IRAK1BP1: variants seen among roughly 807,000 people sequenced by gnomAD.
IRAK1BP1 encodes the protein interleukin 1 receptor associated kinase 1 binding protein 1, also known as interleukin-1 receptor-associated kinase 1-binding protein 1.
IRAK1BP1 carries 24 observed loss-of-function variants against 28.0 expected under a neutral mutation model. That is an observed-to-expected ratio of 0.86 (90% confidence interval 0.62 to 1.20). IRAK1BP1 has a LOEUF of 1.20. Among genes scored for constraint, IRAK1BP1 ranks in the 50% most tolerant of loss-of-function variants. The pLI is 0.00. For missense variants in IRAK1BP1, 336 were observed against 316.7 expected, an observed-to-expected ratio of 1.06 and a Z score of -0.46; for synonymous variants, 131 against 116.3, an observed-to-expected ratio of 1.13 and a Z score of -0.81.
chr6:78,917,632 TAAAAAAAAA>T (rs35313944), intron 4 of IRAK1BP1, among the ~76,000 whole-genome samples: 5 of 63,690 alleles, frequency 7.9e-5, no homozygotes, highest in Admixed American at 7.7e-4. Flanking sequence ...AAGTCAACAC[TAAAAAAAAA>T]AAAAAAAAAA....
rs1329827527 is a variant in IRAK1BP1, at chr6:78,940,868, G to A, written c.*68-4540G>A. ...ACCTTGATTTCTAGTTCTCATGTGG[G>A]GTTCAGAGCCTTTGAGTTCTTCAAA... is the stretch of plus-strand genomic sequence containing the variant. On this transcript the variant is annotated intron_variant and NMD_transcript_variant, in intron 4 of 4. Coordinates refer to the IRAK1BP1 transcript ENST00000606868. 11 of 1,613,616 alleles carry A rather than the reference G, an allele frequency of 6.8e-6. No homozygotes were observed. In the African/African-American group the frequency reaches 1.3e-4, roughly 20 times the overall value.
chr6:78,882,708 G>C (rs1771273775), intron 1 of IRAK1BP1, among the ~76,000 whole-genome samples: 1 of 152,168 alleles, frequency 6.6e-6, no homozygotes, highest in South Asian at 2.1e-4. Context: ...AAGGAGACTT[G>C]ATGAATTAAT....
the IRAK1BP1 span, chr6:78,961,605 G>C: frequency 1.4e-6 from 2 of 1,388,956 alleles, no homozygotes; most frequent in Non-Finnish European, 2.0e-6. Context: ...TATACAAAAA[G>C]TTGAGAAACA....
the IRAK1BP1 span, among the ~76,000 whole-genome samples, chr6:78,975,014 C>T: frequency 1.3e-5 from 2 of 151,032 alleles, no homozygotes; most frequent in Non-Finnish European, 3.0e-5. Context: ...TCCCCCCTAA[C>T]TCATTTTATG....
At chr6:78,946,242 C>T (rs765718832) in exon 5 of IRAK1BP1, 1 of 1,612,984 alleles carries the variant, frequency 6.2e-7, no homozygotes, top group Admixed American at 1.7e-5. Flanking sequence ...GTTTTAAGAT[C>T]CTTTTTTTCC....
chr6:78,948,588 A>G (rs116754092), downstream of IRAK1BP1, among the ~76,000 whole-genome samples: 862 of 152,198 alleles, frequency 5.7e-3, 13 homozygotes, highest in African/African-American at 0.02. Context: ...TTGGCCTCCC[A>G]GACTCAAGCA....
intron 1 of IRAK1BP1, among the ~76,000 whole-genome samples, chr6:78,880,687 TAACA>T (rs1358505903): frequency 2.6e-5 from 4 of 152,188 alleles, no homozygotes; most frequent in African/African-American, 7.2e-5. Flanking sequence ...AATTCAGCAG[TAACA>T]AACAGCTCAA....
At chr6:78,883,521 A>G (rs1485406933) in intron 1 of IRAK1BP1, among the ~76,000 whole-genome samples, 1 of 152,154 alleles carries the variant, frequency 6.6e-6, no homozygotes, top group African/African-American at 2.4e-5. Context: ...ATTACCTTTC[A>G]TAAAATTATC....
At chr6:78,958,828 C>T in the IRAK1BP1 span, among the ~76,000 whole-genome samples, 2 of 152,126 alleles carry the variant, frequency 1.3e-5, no homozygotes, top group Non-Finnish European at 2.9e-5. Flanking sequence ...GAATGGAACA[C>T]ACCATATTAA....
chr6:78,957,588 A>G, the IRAK1BP1 span: 1 of 151,850 alleles, frequency 6.6e-6, no homozygotes, highest in Non-Finnish European at 1.5e-5. Flanking sequence ...TTAAAAAAAA[A>G]AAAAAAACTG....
chr6:78,944,065 A>T (rs892307681), intron 4 of IRAK1BP1, among the ~76,000 whole-genome samples: 3 of 151,490 alleles, frequency 2.0e-5, no homozygotes, highest in African/African-American at 7.3e-5. Flanking sequence ...CCTAAAGAAG[A>T]CGATATTTTA....
chr6:78,921,073 TGGGTGCAGGACAGA>T (rs1318321157), intron 4 of IRAK1BP1, among the ~76,000 whole-genome samples: 1 of 152,066 alleles, frequency 6.6e-6, no homozygotes, highest in African/African-American at 2.4e-5. Flanking sequence ...TGTCATCCAG[TGGGTGCAGGACAGA>T]GGGTGCAGTG....
At chr6:78,969,621 A>T in the IRAK1BP1 span, among the ~76,000 whole-genome samples, 1 of 152,192 alleles carries the variant, frequency 6.6e-6, no homozygotes, top group East Asian at 1.9e-4. Flanking sequence ...AATGTAACAG[A>T]AAAAATGTTT....
downstream of IRAK1BP1, among the ~76,000 whole-genome samples, chr6:78,908,011 C>T (rs186998217): frequency 2.9e-3 from 443 of 150,326 alleles, 1 homozygote; most frequent in Middle Eastern, 7.1e-3. Flanking sequence ...AGGCACTGCA[C>T]CCGGCCTTTT....
At chr6:78,890,209 G>T (rs1771592502) in intron 2 of IRAK1BP1, among the ~76,000 whole-genome samples, 1 of 150,286 alleles carries the variant, frequency 6.7e-6, no homozygotes, top group South Asian at 2.1e-4. Context: ...TCATAAGTGG[G>T]AGTTGAACAA....
chr6:78,874,515 A>G (rs2127666345), intron 1 of IRAK1BP1, among the ~76,000 whole-genome samples: 1 of 152,312 alleles, frequency 6.6e-6, no homozygotes, highest in South Asian at 2.1e-4. Context: ...TGCCAGTACT[A>G]TCCTGTTTAA....
intron 1 of IRAK1BP1, among the ~76,000 whole-genome samples, chr6:78,881,589 A>G (rs1458107729): frequency 6.6e-6 from 1 of 152,182 alleles, no homozygotes; most frequent in Non-Finnish European, 1.5e-5. Flanking sequence ...CTCTTGACAA[A>G]TGAACCCAGT....
Position 78,903,014 on chromosome 6 carries a change from A to T in IRAK1BP1, c.*4680A>T, listed in dbSNP as rs1469247749. The T allele has an allele frequency of 2.6e-6, 4 of 1,523,594 alleles. No individual in the cohort carries two copies. Among genetic ancestry groups the T allele is most frequent in the Non-Finnish European group, 3.5e-6 (4 of 1,138,560 alleles). The allele number at this position is 1,523,594 out of a possible 1,614,324, so 94.4% of individuals were successfully genotyped here. A position where few individuals can be genotyped will look rare whatever the true frequency, so the allele number is the denominator to read the frequency against. The stretch of plus-strand genomic sequence containing the variant: ...CAGCAACTCCTGGAATCCTTCTTCA[A>T]CATCCCAACCAACAATTACTCCCAG... On this transcript the variant is annotated 3_prime_UTR_variant, in exon 4 of 4. Transcript: ENST00000369940.
the IRAK1BP1 span, among the ~76,000 whole-genome samples, chr6:78,974,622 C>A: frequency 2.0e-5 from 3 of 152,190 alleles, no homozygotes; most frequent in African/African-American, 2.4e-5. Flanking sequence ...AATCGATAGA[C>A]CGCCAGCAAG....
Sources: allele counts gnomAD v4.1 joint callset (sites outside exome capture counted in the v4.1 genomes callset), GRCh38; gene constraint gnomAD v4.1.1; transcripts MANE v1.5; gene names NCBI Gene and HGNC (gene_info 2026-07-23, HGNC 2026-07-21).